Variants in UBA2 observed in about 807,000 individuals in gnomAD.
UBA2 encodes the protein SUMO-activating enzyme subunit 2.
A neutral mutation model predicts 77.2 loss-of-function variants in UBA2; 11 were observed. The ratio of observed to expected loss-of-function variants is 0.14; its 90% CI spans 0.09 to 0.24. UBA2 has a LOEUF of 0.24. Among genes scored for constraint, UBA2 ranks in the 10% least tolerant of loss-of-function variants. The pLI is 1.00. For missense variants in UBA2, 487 were observed against 781.7 expected, an observed-to-expected ratio of 0.62 and a Z score of 4.50; for synonymous variants, 278 against 276.7, an observed-to-expected ratio of 1.00 and a Z score of -0.05.
At chr19:34,432,523 T>C (rs1394022924) in intron 3 of UBA2, among the ~76,000 whole-genome samples, 5 of 152,038 alleles carry the variant, frequency 3.3e-5, no homozygotes, top group Non-Finnish European at 7.4e-5. Flanking sequence ...ATTGAGGTAC[T>C]TAACACTTTC....
intron 6 of UBA2, among the ~76,000 whole-genome samples, chr19:34,439,013 A>C (rs2075339592): frequency 6.6e-6 from 1 of 152,150 alleles, no homozygotes; most frequent in Non-Finnish European, 1.5e-5. Context: ...GTTTGAGACC[A>C]GCGTGGCCAG....
At chr19:34,466,292 C>T (rs956017259) in intron 15 of UBA2, among the ~76,000 whole-genome samples, 4 of 152,044 alleles carry the variant, frequency 2.6e-5, no homozygotes, top group African/African-American at 4.8e-5. Flanking sequence ...ACCGAGATCA[C>T]GCTACTGCAC....
intron 9 of UBA2, among the ~76,000 whole-genome samples, chr19:34,451,540 T>TG (rs1568377642): frequency 2.2e-4 from 26 of 117,012 alleles, no homozygotes; most frequent in Admixed American, 2.6e-4. Context: ...TTAACAGTTT[T>TG]TTTTTTTTTT....
chr19:34,467,465 C>CA (rs35373946), intron 16 of UBA2, among the ~76,000 whole-genome samples: 2,512 of 110,088 alleles, frequency 0.023, 34 homozygotes, highest in Middle Eastern at 0.033. Flanking sequence ...GACCATGTCT[C>CA]AAAAAAAAAA....
At chr19:34,450,950 T>C (rs1331110561) in intron 9 of UBA2, among the ~76,000 whole-genome samples, 1 of 151,984 alleles carries the variant, frequency 6.6e-6, no homozygotes, top group African/African-American at 2.4e-5. Flanking sequence ...CTTTAAGATT[T>C]AATCTAGAAA....
intron 14 of UBA2, among the ~76,000 whole-genome samples, chr19:34,462,216 TAGGG>T (rs2075639208): frequency 6.6e-6 from 1 of 151,988 alleles, no homozygotes; most frequent in Admixed American, 6.6e-5. Flanking sequence ...AGGGAGCTAT[TAGGG>T]AGGAGGGGAT....
At chr19:34,454,403 T>G in intron 11 of UBA2, 41 bp from the exon 12 acceptor site, 1 of 1,587,172 alleles carries the variant, frequency 6.3e-7, no homozygotes, top group Non-Finnish European at 8.6e-7. Context: ...AAGTTGTTTT[T>G]TAAACAGTGA....
At chr19:34,428,798 G>T in intron 1 of UBA2, 1 of 1,149,078 alleles carries the variant, frequency 8.7e-7, no homozygotes, top group Non-Finnish European at 1.1e-6. Flanking sequence ...ACGCCGAGGA[G>T]GCCGCGGGCC....
At chr19:34,436,106 G>A (rs1238426847) in intron 5 of UBA2, among the ~76,000 whole-genome samples, 1 of 117,814 alleles carries the variant, frequency 8.5e-6, no homozygotes, top group East Asian at 2.7e-4. Context: ...GGCAACGAGC[G>A]AAACTCTGTC....
intron 9 of UBA2, among the ~76,000 whole-genome samples, chr19:34,450,776 TCTCG>T (rs1410654593): frequency 2.1e-5 from 3 of 140,806 alleles, no homozygotes; most frequent in Non-Finnish European, 4.6e-5. Context: ...TGAGACCGTG[TCTCG>T]CTCTGTTGCC....
Position 34,428,525 on chromosome 19 carries a change from G to T in UBA2, c.93G>T (p.Glu31Asp). Residue 31 changes from glutamate to aspartate, a missense_variant, in exon 1 of 17, where the codon GAG becomes GAT. Around this residue, in one of 9 missense-constraint regions of UBA2, gnomAD observed 19 missense variants for 17.7 expected, o/e 1.07. Coordinates refer to ENST00000246548, the MANE Select transcript of UBA2 (RefSeq NM_005499.3). ...LVVGAGGIGC[E>D]LLKNLVLTGF... ...TGGGGGCGGGCGGCATCGGCTGCGA[G>T]CTCCTCAAGAATCTCGTGCTCACCG... 1 of 1,306,200 alleles carries T rather than the reference G, an allele frequency of 7.7e-7. No homozygotes were observed. The allele number at this position is 1,306,200 out of a possible 1,614,324, so 80.9% of individuals were successfully genotyped here. A position where few individuals can be genotyped will look rare whatever the true frequency, so the allele number is the denominator to read the frequency against.
At chr19:34,435,079 T>C (rs1363902036) in intron 5 of UBA2, 111 bp downstream of exon 5, 1 of 770,188 alleles carries the variant, frequency 1.3e-6, no homozygotes, top group Non-Finnish European at 2.1e-6. Context: ...ATCCAAAATG[T>C]AAGGACTTTT....
chr19:34,430,449 T>C (rs2075239796), intron 1 of UBA2, 127 bp from the exon 2 acceptor site: 1 of 545,716 alleles, frequency 1.8e-6, no homozygotes, highest in South Asian at 3.9e-5. Context: ...GGTATGGCGA[T>C]TCGAAAAACG....
At chr19:34,465,615 G>A (rs1297724640) in intron 15 of UBA2, among the ~76,000 whole-genome samples, 4 of 139,902 alleles carry the variant, frequency 2.9e-5, no homozygotes, top group African/African-American at 5.5e-5. Flanking sequence ...CAGCCTGGGC[G>A]ACAGAGGGGG....
rs117690571 is a variant in UBA2 at position 34,446,069 on chromosome 19, G to A, written c.771+948G>A. On this transcript the variant is annotated intron_variant, in intron 8 of 16. Transcript: ENST00000246548. ...AATGGGGTCTCACCATGTTGCCCAG[G>A]CAGATCTCAAACTCCTGGTTTCAAG... Among the ~76,000 whole-genome samples, 9 of 151,996 alleles carry A rather than the reference G, an allele frequency of 5.9e-5. No individual in the cohort carries two copies. In the East Asian group the frequency reaches 1.4e-3, roughly 23 times the overall value.
intron 6 of UBA2, among the ~76,000 whole-genome samples, chr19:34,443,432 C>T (rs139384619): frequency 3.4e-5 from 5 of 145,772 alleles, no homozygotes; most frequent in South Asian, 2.2e-4. Flanking sequence ...GTCATTTATC[C>T]GTTATTCACT....
At chr19:34,466,557 T>G (rs1425608357) in intron 15 of UBA2, among the ~76,000 whole-genome samples, 2 of 152,134 alleles carry the variant, frequency 1.3e-5, no homozygotes, top group African/African-American at 2.4e-5. Flanking sequence ...CACAGAAATT[T>G]GTTGTGTACC....
In UBA2 at chr19:34,457,179, A is replaced by AAATAT. The variant is rs1262007864; in HGVS notation, c.1246-1589_1246-1588insATATA. On this transcript the variant is annotated intron_variant, in intron 12 of 16. Coordinates refer to ENST00000246548, the MANE Select transcript of UBA2 (RefSeq NM_005499.3). ...CCTGGTCTCTACTAAAAAAAAAAAA[A>AAATAT]ATATATATATATATATATATATATA... 7.3e-3 allele frequency among the ~76,000 whole-genome samples: 390 copies of AAATAT among 53,184 alleles called. 5 individuals carry two copies. Among genetic ancestry groups the AAATAT allele is most frequent in the African/African-American group, 0.03 (258 of 8,494 alleles). 34.9% of individuals were successfully genotyped at this position (53,184 alleles called of 152,430 possible). A position where few individuals can be genotyped will look rare whatever the true frequency, so the allele number is the denominator to read the frequency against.
At chr19:34,442,295 C>T (rs553440191) in intron 6 of UBA2, among the ~76,000 whole-genome samples, 216 of 152,142 alleles carry the variant, frequency 1.4e-3, no homozygotes, top group Non-Finnish European at 1.6e-3. Context: ...GAAGGGAAAC[C>T]TAAATAAGCA....
Sources: gnomAD v4.1 joint callset for allele counts (sites outside exome capture counted in the v4.1 genomes callset) on GRCh38, gnomAD v4.1.1 for gene constraint, gnomAD v4.1.1 regional missense constraint, MANE v1.5 for transcripts, NCBI Gene and HGNC (gene_info 2026-07-23, HGNC 2026-07-21) for gene names.